The following VWA8 variants were observed in gnomAD, a reference collection of about 807,000 sequenced individuals.
VWA8 encodes the protein von Willebrand factor A domain-containing protein 8.
VWA8 carries 221 observed loss-of-function variants against 241.5 expected under a neutral mutation model. That is an observed-to-expected ratio of 0.91 (90% CI 0.82 to 1.02). VWA8 has a LOEUF of 1.02. VWA8 is among the 50% of genes least tolerant of loss of function. VWA8 has a pLI of 0.00. For synonymous variants in VWA8, 852 were observed against 827.1 expected (o/e 1.03, Z -0.52); for missense variants, 2,322 against 2,328.7 (o/e 1.00, Z 0.06).
intron 37 of VWA8, among the ~76,000 whole-genome samples, chr13:41,635,668 C>T (rs191805905): frequency 6.6e-6 from 1 of 152,158 alleles, no homozygotes; most frequent in East Asian, 1.9e-4. Flanking sequence ...ATAATTAGTG[C>T]AGAGAGCAGG....
intron 16 of VWA8, among the ~76,000 whole-genome samples, chr13:41,811,626 A>T (rs1415471878): frequency 3.9e-5 from 6 of 152,200 alleles, no homozygotes; most frequent in Non-Finnish European, 4.4e-5. Flanking sequence ...AGGATGTTAC[A>T]TAACAAAGGT....
intron 20 of VWA8, among the ~76,000 whole-genome samples, chr13:41,767,093 T>C (rs1428106802): frequency 6.6e-6 from 1 of 152,224 alleles, no homozygotes; most frequent in African/African-American, 2.4e-5. Flanking sequence ...CTGCCTTTAG[T>C]TGCCTCCAAT....
rs140606091 is a variant in VWA8, at chr13:41,732,110, G to A, written c.2472C>T (p.Asp824=). 248 of 1,613,104 alleles carry A rather than the reference G, an allele frequency of 1.5e-4. 1 individual carries two copies. The highest frequency in any genetic ancestry group is 2.0e-4 in the Admixed American group (12 of 59,992). Residue 824 remains aspartate (D), a synonymous_variant, in exon 22 of 45, where the codon GAC becomes GAT. Transcript: ENST00000379310. ...QTLTLQPSVK[D]GLIVYEDSPL... The stretch of plus-strand genomic sequence containing the variant: ...GTGAGTCTTCATATACAATAAGTCC[G>A]TCTTTAACCGAAGGCTGAAGCGTAA...
At chr13:41,734,098 G>T (rs777014774) in intron 21 of VWA8, among the ~76,000 whole-genome samples, 4 of 152,196 alleles carry the variant, frequency 2.6e-5, no homozygotes, top group Non-Finnish European at 5.9e-5. Context: ...CCGGCACTTT[G>T]TGAGGCTGAG....
Position 41,665,550 on chromosome 13 carries a change from G to GTAATTAAGTACATTAAGTAAGTACT in VWA8, c.4611+5395_4611+5396insAGTACTTACTTAATGTACTTAATTA, listed in dbSNP as rs2044980229. ...ATTTACATTTAAGTAAGTACTTAATGTAAGTAATTAAGTACATTAAGTAAG... is the reference window on the plus strand; with the variant it reads ...ATTTACATTTAAGTAAGTACTTAATGTAATTAAGTACATTAAGTAAGTACTTAAGTAATTAAGTACATTAAGTAAG... On this transcript the variant is annotated intron_variant, in intron 37 of 44. Transcript: ENST00000379310. Among the ~76,000 whole-genome samples the GTAATTAAGTACATTAAGTAAGTACT allele has an allele frequency of 6.6e-5, 10 of 151,340 alleles. No homozygotes were observed. In the South Asian group the frequency reaches 1.9e-3, roughly 29 times the overall value.
At chr13:41,744,021 A>T (rs1262953161) in intron 21 of VWA8, among the ~76,000 whole-genome samples, 1 of 152,240 alleles carries the variant, frequency 6.6e-6, no homozygotes, top group African/African-American at 2.4e-5. Flanking sequence ...GGGAGGTCAC[A>T]GGTGCCTGCT....
chr13:41,832,834 T>C (rs1179466976), intron 13 of VWA8, among the ~76,000 whole-genome samples: 2 of 152,054 alleles, frequency 1.3e-5, no homozygotes, highest in Non-Finnish European at 2.9e-5. Flanking sequence ...AAGAAAACAA[T>C]AGTTATAGAA....
At chr13:41,846,423 A>G (rs1872293028) in intron 12 of VWA8, among the ~76,000 whole-genome samples, 1 of 152,212 alleles carries the variant, frequency 6.6e-6, no homozygotes, top group South Asian at 2.1e-4. Flanking sequence ...CACTTCTGCA[A>G]CTTCCTTATT....
intron 1 of VWA8, among the ~76,000 whole-genome samples, chr13:41,950,578 C>T (rs1011876631): frequency 1.3e-5 from 2 of 151,784 alleles, no homozygotes; most frequent in Non-Finnish European, 2.9e-5. Context: ...CCATGTTAGC[C>T]AGGATGATCT....
chr13:41,573,108 C>CAAAAA (rs71086585), intron 43 of VWA8, among the ~76,000 whole-genome samples: 1,855 of 72,250 alleles, frequency 0.026, 40 homozygotes, highest in East Asian at 0.1. Flanking sequence ...GACACCGTTT[C>CAAAAA]AAAAAAAAAA....
At position 41,950,556 on chromosome 13, in the gene VWA8, G is replaced by A. The variant is rs1434777078; in HGVS notation, c.164-543C>T. On this transcript the variant is annotated intron_variant, in intron 1 of 44. Transcript: ENST00000379310. ...GCTAGCTTTTTGTATTTTTAGTAGA[G>A]ACGGGGTTTCACCATGTTAGCCAGG... is the stretch of plus-strand genomic sequence containing the variant. Among the ~76,000 whole-genome samples, 13 of 151,346 alleles carry A rather than the reference G, an allele frequency of 8.6e-5. 1 individual carries two copies. The East Asian group carries it at 2.5e-3, about 29-fold the overall frequency.
At chr13:41,917,318 T>G (rs879412892) in intron 2 of VWA8, among the ~76,000 whole-genome samples, 5 of 152,096 alleles carry the variant, frequency 3.3e-5, no homozygotes, top group Non-Finnish European at 7.4e-5. Flanking sequence ...AAAAAAAAAG[T>G]CTTTGAAGCC....
At chr13:41,844,479 A>C (rs1328119653) in intron 12 of VWA8, among the ~76,000 whole-genome samples, 1 of 152,244 alleles carries the variant, frequency 6.6e-6, no homozygotes, top group East Asian at 1.9e-4. Flanking sequence ...TAGTACTAGA[A>C]GTCCTAGCCA....
chr13:41,719,649 A>C lies in VWA8; in HGVS notation c.3058T>G (p.Leu1020Val), dbSNP rs2045369967. The change falls in exon 26 of 45, where the codon TTA (leucine) becomes GTA (valine). Residue 1020 changes from leucine to valine, a missense_variant. Leu to Val is a conservative substitution (Grantham distance 32, BLOSUM62 1). Coordinates refer to ENST00000379310, the MANE Select transcript of VWA8 (RefSeq NM_015058.2). ...NDMREILINT[L>V]HKYGIPIGAK... is the part of the protein sequence containing the mutation. ...CCGATAGGTATCCCGTATTTGTGTAAAGTGTTAATCAATATCTCCCTCATG... is the reference window on the plus strand; with the variant it reads ...CCGATAGGTATCCCGTATTTGTGTACAGTGTTAATCAATATCTCCCTCATG... 1 of 1,613,128 alleles carries C rather than the reference A, an allele frequency of 6.2e-7. No individual in the cohort carries two copies. The highest frequency in any genetic ancestry group is 1.7e-5 in the Admixed American group (1 of 59,880).
chr13:41,668,053 C>T (rs1249227379), intron 37 of VWA8, among the ~76,000 whole-genome samples: 1 of 152,208 alleles, frequency 6.6e-6, no homozygotes, highest in Non-Finnish European at 1.5e-5. Context: ...AAGCTAATAA[C>T]TCCAGAAGGC....
intron 2 of VWA8, among the ~76,000 whole-genome samples, chr13:41,920,226 G>A (rs1389082549): frequency 1.3e-5 from 2 of 152,106 alleles, no homozygotes; most frequent in Admixed American, 6.6e-5. Flanking sequence ...GTTGATTCTA[G>A]GTCCCAAATT....
At chr13:41,935,817 T>G (rs941016201) in intron 2 of VWA8, among the ~76,000 whole-genome samples, 1 of 151,944 alleles carries the variant, frequency 6.6e-6, no homozygotes, top group African/African-American at 2.4e-5. Context: ...CTCTGAAATC[T>G]GTACTATTTT....
At chr13:41,673,485 A>T (rs1046165536) in intron 36 of VWA8, among the ~76,000 whole-genome samples, 8 of 152,186 alleles carry the variant, frequency 5.3e-5, no homozygotes, top group Admixed American at 6.5e-5. Flanking sequence ...CTCTAAATTC[A>T]TACTGACAAT....
intron 18 of VWA8, among the ~76,000 whole-genome samples, chr13:41,787,050 GC>G (rs1869226326): frequency 6.7e-6 from 1 of 150,272 alleles, no homozygotes; most frequent in South Asian, 2.1e-4. Context: ...ATAGGACATC[GC>G]TGACCCTCAA....
Sources: gnomAD v4.1 joint callset for allele counts (sites outside exome capture counted in the v4.1 genomes callset) on GRCh38, gnomAD v4.1.1 for gene constraint, MANE v1.5 for transcripts, NCBI Gene and HGNC (gene_info 2026-07-23, HGNC 2026-07-21) for gene names.